LRRC27: variants seen among roughly 807,000 people sequenced by gnomAD.
LRRC27 encodes leucine-rich repeat-containing protein 27.
LRRC27 carries 57 observed loss-of-function variants against 55.0 expected under a neutral mutation model. That is an observed-to-expected ratio of 1.04 (90% CI 0.84 to 1.29). The LOEUF (loss-of-function observed/expected upper bound fraction) is 1.29. Among genes scored for constraint, LRRC27 ranks in the 50% most tolerant of loss-of-function variants. LRRC27 has a pLI of 0.00. For missense variants in LRRC27, 721 were observed against 651.5 expected (o/e 1.11, Z -1.16); for synonymous variants, 278 against 251.9 (o/e 1.10, Z -0.98).
chr10:132,366,724 T>C (rs1187950968), intron 10 of LRRC27: 6 of 704,340 alleles, frequency 8.5e-6, no homozygotes, highest in Non-Finnish European at 7.6e-6. Flanking sequence ...GCGAGCTGCA[T>C]CGGGGCTGCC....
chr10:132,373,494 TGGG>T (rs1356937254), intron 10 of LRRC27, among the ~76,000 whole-genome samples: 3 of 151,954 alleles, frequency 2.0e-5, no homozygotes, highest in Admixed American at 6.6e-5. Context: ...AACCAGGCAC[TGGG>T]AGGGAGCTGG....
At chr10:132,353,728 C>T (rs1011279717) in intron 7 of LRRC27, among the ~76,000 whole-genome samples, 20 of 152,160 alleles carry the variant, frequency 1.3e-4, no homozygotes, top group African/African-American at 3.9e-4. Flanking sequence ...CAGGGAGCAC[C>T]GGGAAGGCTT....
chr10:132,364,549 A>ACACTCACACTCACACC (rs2068899437), intron 9 of LRRC27, among the ~76,000 whole-genome samples: 1 of 34,362 alleles, frequency 2.9e-5, no homozygotes, highest in African/African-American at 1.1e-4. Flanking sequence ...ATCTACCTCC[A>ACACTCACACTCACACC]CACCCACACT....
At chr10:132,371,143 C>T (rs1423660474) in intron 10 of LRRC27, among the ~76,000 whole-genome samples, 2 of 152,272 alleles carry the variant, frequency 1.3e-5, no homozygotes, top group Non-Finnish European at 2.9e-5. Context: ...CCCGGCCCCT[C>T]GTGTTTCCTT....
At position 132,374,739 on chromosome 10, in the gene LRRC27, GTC is replaced by G. The variant is rs1165248669; in HGVS notation, c.1417-323_1417-322del. 6.6e-6 allele frequency among the ~76,000 whole-genome samples: 1 copy of G among 152,204 alleles called. No individual in the cohort carries two copies. Among genetic ancestry groups the G allele is most frequent in the Non-Finnish European group, 1.5e-5 (1 of 68,036 alleles). ...CTTTGCCCACAGGACGATGCCCTGA[GTC>G]TCTGTTCATCCATTGACCTGTGCAG... On this transcript the variant is annotated intron_variant, in intron 10 of 10. Transcript: ENST00000368614. This position sits in a 1 kb window ranked among gnomAD's most constrained non-coding sequence, Gnocchi z 4.4.
chr10:132,331,781 A>G, upstream of LRRC27: 12 of 1,608,022 alleles, frequency 7.5e-6, no homozygotes, highest in Non-Finnish European at 1.0e-5. Context: ...TCGCCCCTCC[A>G]GACCCTCGCG....
chr10:132,365,462 A>G lies in LRRC27; in HGVS notation c.1328A>G (p.Gln443Arg), dbSNP rs2069028920. 1 of 1,613,754 alleles carries G rather than the reference A, an allele frequency of 6.2e-7. No homozygotes were observed. Residue 443 changes from glutamine (Q) to arginine (R), a missense_variant, in exon 10 of 11, where the codon CAG (glutamine) becomes CGG (arginine). Coordinates refer to ENST00000368614, the MANE Select transcript of LRRC27 (RefSeq NM_030626.3). ...QERNLEEKIKQHVLQMREQRR... is the reference protein window; with the variant it reads ...QERNLEEKIKRHVLQMREQRR... ...AGAAATTTAGAAGAGAAGATAAAAC[A>G]GCACGTCCTCCAAATGCGTGAGCAA...
chr10:132,347,997 TAG>T lies in LRRC27; in HGVS notation c.573_574del (p.Glu191AspfsTer5), dbSNP rs772597628. 1 of 1,608,062 alleles carries T rather than the reference TAG, an allele frequency of 6.2e-7. No individual in the cohort carries two copies. Among genetic ancestry groups the T allele is most frequent in the Non-Finnish European group, 8.5e-7 (1 of 1,177,776 alleles). On this transcript the variant is annotated frameshift_variant, in exon 6 of 11. Coordinates refer to ENST00000368614, the MANE Select transcript of LRRC27 (RefSeq NM_030626.3). LOFTEE classifies it high-confidence loss of function. ...TTACTCTCCCAGAGGCTCCACCGGTTAGAGAGATGACCCTCCGTGACCTCCCG... is the reference window on the plus strand; with the variant it reads ...TTACTCTCCCAGAGGCTCCACCGGTTAGAGATGACCCTCCGTGACCTCCCG... ...NPTSQEAPPV[R>X]EMTLRDLPSP...
upstream of LRRC27, chr10:132,332,040 G>T: frequency 2.9e-6 from 1 of 344,886 alleles, no homozygotes; most frequent in East Asian, 5.0e-5. Flanking sequence ...GCCCCCGCAC[G>T]CAGGCACAAA....
In LRRC27 at chr10:132,372,020, G is replaced by T. The variant is rs913311982; in HGVS notation, c.1417-3046G>T. On this transcript the variant is annotated intron_variant, in intron 10 of 10. Coordinates refer to ENST00000368614, the MANE Select transcript of LRRC27 (RefSeq NM_030626.3). This position sits in a 1 kb window ranked among gnomAD's most constrained non-coding sequence, Gnocchi z 4.0. ...CCTAGTGGTGCAGCATGAAGGGCCTGCCCAGCAAAATGCCAGCAAAGATGC... is the reference window on the plus strand; with the variant it reads ...CCTAGTGGTGCAGCATGAAGGGCCTTCCCAGCAAAATGCCAGCAAAGATGC... Among the ~76,000 whole-genome samples the T allele has an allele frequency of 6.6e-6, 1 of 152,258 alleles. No homozygotes were observed. The highest frequency in any genetic ancestry group is 2.4e-5 in the African/African-American group (1 of 41,468).
intron 2 of LRRC27, 38 bp downstream of exon 2, chr10:132,333,772 TC>T (rs2066960872): frequency 1.3e-6 from 2 of 1,528,652 alleles, no homozygotes; most frequent in Non-Finnish European, 9.0e-7. Flanking sequence ...TGCCCACAGG[TC>T]CCCTATAGAC....
Position 132,361,462 on chromosome 10 carries a change from A to C in LRRC27, c.1176A>C (p.Ala392=), listed in dbSNP as rs148688090. ...KLLPPRRSMV[A]SKIPSATDLI... ...ATCTTGTTGCATTTTCCTAGGTGGC[A>C]TCAAAGATTCCCTCTGCCACAGATC... The change falls in exon 9 of 11, where the codon GCA becomes GCC. Residue 392 remains alanine (A), a synonymous_variant. Coordinates refer to ENST00000368614, the MANE Select transcript of LRRC27 (RefSeq NM_030626.3). 4.3e-6 allele frequency: 7 copies of C among 1,611,982 alleles called. No individual in the cohort carries two copies. The highest frequency in any genetic ancestry group is 1.7e-5 in the Admixed American group (1 of 60,018).
intron 3 of LRRC27, among the ~76,000 whole-genome samples, chr10:132,338,494 TC>T (rs989646873): frequency 1.3e-5 from 2 of 152,062 alleles, no homozygotes; most frequent in Non-Finnish European, 2.9e-5. Flanking sequence ...TTCCTTGCAT[TC>T]CCACTTGTGG....
At chr10:132,342,779 GA>G (rs1433416216) in intron 4 of LRRC27, among the ~76,000 whole-genome samples, 1 of 152,130 alleles carries the variant, frequency 6.6e-6, no homozygotes, top group Non-Finnish European at 1.5e-5. Context: ...AAATTTGTCG[GA>G]CTAGTAGCCC....
At chr10:132,365,675 C>T (rs1456659748) in intron 10 of LRRC27, 125 bp downstream of exon 10, 2 of 1,209,346 alleles carry the variant, frequency 1.7e-6, no homozygotes, top group African/African-American at 1.5e-5. Flanking sequence ...AATCTCGGCT[C>T]CCTGCAGCCT....
At chr10:132,347,090 G>C (rs2132878996) in intron 5 of LRRC27, among the ~76,000 whole-genome samples, 1 of 152,350 alleles carries the variant, frequency 6.6e-6, no homozygotes, top group East Asian at 1.9e-4. Context: ...CGTGTTTTGA[G>C]AAAGTCAACA....
At position 132,351,709 on chromosome 10, in the gene LRRC27, C is replaced by T. The variant is rs768601839; in HGVS notation, c.1029C>T (p.Leu343=). ...KRLEESRAAA[L]RELQEKQALM... ...TGGAAGAGAGCCGAGCGGCGGCGCT[C>T]CGAGAGCTCCAGGAGAAGCAGGCTC... The change falls in exon 7 of 11, where the codon CTC becomes CTT. Residue 343 remains leucine (L), a synonymous_variant. Transcript: ENST00000368614. 8.1e-6 allele frequency: 13 copies of T among 1,613,548 alleles called. No homozygotes were observed. Among genetic ancestry groups the T allele is most frequent in the Admixed American group, 3.3e-5 (2 of 59,988 alleles).
Position 132,372,004 on chromosome 10 carries a change from G to A in LRRC27, c.1417-3062G>A, listed in dbSNP as rs957583357. 3.9e-5 allele frequency among the ~76,000 whole-genome samples: 6 copies of A among 152,274 alleles called. No homozygotes were observed. The highest frequency in any genetic ancestry group is 7.3e-5 in the Non-Finnish European group (5 of 68,054). On this transcript the variant is annotated intron_variant, in intron 10 of 10. Transcript: ENST00000368614. The surrounding 1 kb of genome is among the most constrained non-coding windows in gnomAD (Gnocchi z 4.0). ...TGCACGAAGGAAGCCCCCTAGTGGT[G>A]CAGCATGAAGGGCCTGCCCAGCAAA...
intron 5 of LRRC27, among the ~76,000 whole-genome samples, 188 bp from the exon 6 acceptor site, chr10:132,347,796 G>T (rs541518778): frequency 1.3e-5 from 2 of 152,190 alleles, no homozygotes; most frequent in African/African-American, 4.8e-5. Flanking sequence ...TTTGTGTGCC[G>T]CAGCAGGCTG....
Sources: allele counts gnomAD v4.1 joint callset (sites outside exome capture counted in the v4.1 genomes callset), GRCh38; gene constraint gnomAD v4.1.1; non-coding constraint Gnocchi (gnomAD v3.1); transcripts MANE v1.5; gene names NCBI Gene and HGNC (gene_info 2026-07-23, HGNC 2026-07-21).